ITGB5: variants seen among roughly 807,000 people sequenced by gnomAD.
The protein encoded by ITGB5 is integrin subunit beta 5, also known as integrin beta-5.
A neutral mutation model predicts 84.8 loss-of-function variants in ITGB5; 38 were observed. The ratio of observed to expected loss-of-function variants is 0.45; its 90% CI spans 0.35 to 0.59. The LOEUF is 0.59. ITGB5 is among the 20% of genes least tolerant of loss of function. The probability of loss-of-function intolerance (pLI) is 0.01; values close to 1 mark genes in which losing one functional copy is unlikely to be tolerated. For missense variants in ITGB5, 905 were observed against 1,034.5 expected (o/e 0.87, Z 1.72); for synonymous variants, 393 against 414.4 (o/e 0.95, Z 0.63).
chr3:124,808,932 G>C, intron 9 of ITGB5, 90 bp downstream of exon 9: 1 of 1,375,608 alleles, frequency 7.3e-7, no homozygotes, highest in Admixed American at 2.1e-5. Context: ...AATTCCGAAA[G>C]GACTCTTAAT....
intron 1 of ITGB5, among the ~76,000 whole-genome samples, chr3:124,879,805 C>T (rs1350141330): frequency 1.3e-5 from 2 of 152,154 alleles, no homozygotes; most frequent in African/African-American, 4.8e-5. Context: ...ATATTCGTAA[C>T]ATATCCATAG....
At chr3:124,869,049 C>T (rs2065437644) in intron 2 of ITGB5, among the ~76,000 whole-genome samples, 1 of 152,106 alleles carries the variant, frequency 6.6e-6, no homozygotes, top group South Asian at 2.1e-4. Context: ...ACTTCAAGTA[C>T]AATAAGGGTA....
chr3:124,784,076 CT>C (rs939385468), intron 10 of ITGB5, among the ~76,000 whole-genome samples: 1 of 152,204 alleles, frequency 6.6e-6, no homozygotes, highest in African/African-American at 2.4e-5. Flanking sequence ...GGTGATATTG[CT>C]TTAAGCCAAG....
rs574951402 is a variant in ITGB5 at position 124,796,541 on chromosome 3, G to A, written c.1540C>T (p.Arg514Trp). Residue 514 changes from arginine (R) to tryptophan (W), a missense_variant, in exon 10 of 15, where the codon CGG becomes TGG. By Grantham distance (101) the Arg-to-Trp change is moderately radical. Transcript: ENST00000296181. ...ENQSVYQNLC[R>W]EAEGKPLCSG... ...CACAGTGGCTTGCCCTCTGCCTCCC[G>A]GCACAGGTTCTGGTACACGCTCTGG... The A allele has an allele frequency of 3.5e-5, 56 of 1,614,062 alleles. No individual in the cohort carries two copies. In the Admixed American group the frequency reaches 3.7e-4, roughly 11 times the overall value.
At chr3:124,842,715 C>A (rs2065026652) in intron 4 of ITGB5, among the ~76,000 whole-genome samples, 1 of 152,172 alleles carries the variant, frequency 6.6e-6, no homozygotes, top group Admixed American at 6.5e-5. Flanking sequence ...GCTTTATAAT[C>A]TAATTCAAGC....
At chr3:124,813,131 G>A (rs1303060718) in intron 8 of ITGB5, among the ~76,000 whole-genome samples, 1 of 152,184 alleles carries the variant, frequency 6.6e-6, no homozygotes, top group Non-Finnish European at 1.5e-5. Context: ...CATGGACCAG[G>A]GGCCCGTGCT....
chr3:124,842,044 G>A (rs940121460), intron 4 of ITGB5, among the ~76,000 whole-genome samples: 15 of 152,202 alleles, frequency 9.9e-5, no homozygotes, highest in African/African-American at 3.4e-4. Context: ...ACATAATCTT[G>A]TCATGTCAAT....
chr3:124,775,417 A>C (rs1471870090), intron 10 of ITGB5, among the ~76,000 whole-genome samples: 1 of 151,590 alleles, frequency 6.6e-6, no homozygotes, highest in Non-Finnish European at 1.5e-5. Flanking sequence ...TTGGAGTGTG[A>C]GTGTTTGTTC....
chr3:124,844,878 C>T (rs997974952), intron 4 of ITGB5, among the ~76,000 whole-genome samples: 4 of 152,234 alleles, frequency 2.6e-5, no homozygotes, highest in African/African-American at 7.2e-5. Flanking sequence ...AATTGGAATA[C>T]ACTGCTTTTA....
At chr3:124,848,869 T>C (rs1247682483) in intron 3 of ITGB5, among the ~76,000 whole-genome samples, 1 of 152,170 alleles carries the variant, frequency 6.6e-6, no homozygotes, top group African/African-American at 2.4e-5. Context: ...AACCTCTGCC[T>C]ACCAGGTTCA....
chr3:124,762,399 C>T lies in ITGB5; in HGVS notation c.*1224G>A, dbSNP rs1413807018. Reference sequence around the variant, plus strand: ...ATTCAGTAACCTCCTAACAAACACTCGGGCAAGCCACTTCCCCTCTCTGAG... The same window carrying T: ...ATTCAGTAACCTCCTAACAAACACTTGGGCAAGCCACTTCCCCTCTCTGAG... On this transcript the variant is annotated 3_prime_UTR_variant, in exon 15 of 15. Coordinates refer to ENST00000296181, the MANE Select transcript of ITGB5 (RefSeq NM_002213.5). 3 of 152,182 alleles carry T rather than the reference C, an allele frequency of 2.0e-5. No individual in the cohort carries two copies. Among genetic ancestry groups the T allele is most frequent in the Admixed American group, 6.5e-5 (1 of 15,276 alleles). The allele number at this position is 152,182 out of a possible 1,614,324, so 9.4% of individuals were successfully genotyped here. A position where few individuals can be genotyped will look rare whatever the true frequency, so the allele number is the denominator to read the frequency against.
chr3:124,764,755 C>T (rs965868870), intron 13 of ITGB5, among the ~76,000 whole-genome samples, 198 bp from the exon 14 acceptor site: 1 of 152,266 alleles, frequency 6.6e-6, no homozygotes, highest in Non-Finnish European at 1.5e-5. Context: ...TCTAAAGTCA[C>T]ACAGCAAGTG....
intron 1 of ITGB5, among the ~76,000 whole-genome samples, chr3:124,894,134 C>CTTTTTTCT (rs1553769998): frequency 2.7e-4 from 28 of 104,358 alleles, no homozygotes; most frequent in Admixed American, 1.6e-3. Flanking sequence ...TGATATTTTT[C>CTTTTTTCT]TTTTTTTTTT....
chr3:124,798,818 T>TC (rs1264543764), intron 9 of ITGB5, among the ~76,000 whole-genome samples: 4 of 152,324 alleles, frequency 2.6e-5, no homozygotes, highest in African/African-American at 7.2e-5. Context: ...CTAAAAGGCC[T>TC]CCCCTCAGAT....
chr3:124,856,537 T>C (rs540582685), intron 3 of ITGB5, among the ~76,000 whole-genome samples: 1 of 152,330 alleles, frequency 6.6e-6, no homozygotes, highest in South Asian at 2.1e-4. Context: ...TTTCAAAGAT[T>C]ATTGAATGAA....
chr3:124,886,924 G>A lies in ITGB5; in HGVS notation c.70+7C>T. On this transcript the variant is annotated splice_region_variant and intron_variant, in intron 1 of 14. Transcript: ENST00000296181. ...TTTCTCTGGGCGCCGTGGGCGGCGC[G>A]GCTTACCTGCGAGCCGGGGCAGGAG... 4 of 1,212,568 alleles carry A rather than the reference G, an allele frequency of 3.3e-6. No homozygotes were observed. The highest frequency in any genetic ancestry group is 4.1e-6 in the Non-Finnish European group (4 of 975,518). The allele number at this position is 1,212,568 out of a possible 1,614,324, so 75.1% of individuals were successfully genotyped here. A position where few individuals can be genotyped will look rare whatever the true frequency, so the allele number is the denominator to read the frequency against.
intron 10 of ITGB5, among the ~76,000 whole-genome samples, chr3:124,775,291 CAA>C (rs1354671900): frequency 6.7e-6 from 1 of 148,316 alleles, no homozygotes; most frequent in Non-Finnish European, 1.5e-5. Context: ...TGAGTGGGTG[CAA>C]GTGTGCATGA....
intron 12 of ITGB5, among the ~76,000 whole-genome samples, chr3:124,767,406 A>G (rs1240959764): frequency 1.3e-5 from 2 of 152,202 alleles, no homozygotes; most frequent in African/African-American, 4.8e-5. Context: ...GCTTGGAAGA[A>G]AGAAGAAAAA....
intron 1 of ITGB5, among the ~76,000 whole-genome samples, chr3:124,876,802 C>T (rs1934341234): frequency 6.6e-6 from 1 of 152,176 alleles, no homozygotes; most frequent in Non-Finnish European, 1.5e-5. Flanking sequence ...CCTGACCTCA[C>T]TTCAGCAGGA....
Sources: gnomAD v4.1 joint callset for allele counts (sites outside exome capture counted in the v4.1 genomes callset) on GRCh38, gnomAD v4.1.1 for gene constraint, MANE v1.5 for transcripts, NCBI Gene and HGNC (gene_info 2026-07-23, HGNC 2026-07-21) for gene names.